DMD: variants seen among roughly 807,000 people sequenced by gnomAD.
DMD encodes dystrophin, also known as mutant dystrophin.
DMD carries 63 observed loss-of-function variants against 330.1 expected under a neutral mutation model. The ratio of observed to expected loss-of-function variants is 0.19; its 90% CI spans 0.16 to 0.24. The LOEUF is 0.24. DMD is among the 10% of genes least tolerant of loss of function. DMD has a pLI of 1.00. For missense variants in DMD, 3,344 were observed against 2,684.1 expected, an observed-to-expected ratio of 1.25 and a Z score of -5.43; for synonymous variants, 1,223 against 959.8, an observed-to-expected ratio of 1.27 and a Z score of -5.07.
At chrX:31,247,296 C>T (rs1469910745) in intron 63 of DMD, among the ~76,000 whole-genome samples, 2 of 111,114 alleles carry the variant, frequency 1.8e-5, no homozygotes, top group East Asian at 5.6e-4. Context: ...TGGATCTGGG[C>T]AAAGTAAATG....
At chrX:31,844,947 A>G (rs1311337270) in intron 48 of DMD, among the ~76,000 whole-genome samples, 1 of 109,975 alleles carries the variant, frequency 9.1e-6, no homozygotes, top group Non-Finnish European at 1.9e-5. Context: ...CAGGAAACCA[A>G]AAAGTTCATG....
At chrX:32,532,124 A>G (rs228350) in intron 17 of DMD, among the ~76,000 whole-genome samples, 17,097 of 110,791 alleles carry the variant, frequency 0.15, 1,286 homozygotes, top group East Asian at 0.39. Flanking sequence ...GTGAGCTCCA[A>G]AAGTCTTGCA....
At chrX:31,924,198 G>A (rs1344169415) in intron 47 of DMD, among the ~76,000 whole-genome samples, 1 of 111,826 alleles carries the variant, frequency 8.9e-6, no homozygotes, top group Non-Finnish European at 1.9e-5. Flanking sequence ...GGGCAGGACT[G>A]AATGGTAACT....
intron 43 of DMD, among the ~76,000 whole-genome samples, chrX:32,280,288 T>C (rs1232067773): frequency 2.8e-5 from 3 of 108,070 alleles, no homozygotes; most frequent in African/African-American, 1.0e-4. Context: ...CTGTCTACTG[T>C]ATCTTCTTCT....
chrX:31,725,997 G>C (rs775706590), intron 52 of DMD, among the ~76,000 whole-genome samples: 1 of 112,024 alleles, frequency 8.9e-6, no homozygotes, highest in East Asian at 2.8e-4. Flanking sequence ...ATCTGCTTTT[G>C]GTCCCCTGAC....
chrX:31,727,594 G>T (rs1315517001), intron 52 of DMD, among the ~76,000 whole-genome samples: 1 of 111,996 alleles, frequency 8.9e-6, no homozygotes, highest in African/African-American at 3.2e-5. Flanking sequence ...GGACACAAAA[G>T]ATGGAAGGAG....
chrX:32,355,014 C>T (rs1048245106), intron 37 of DMD, among the ~76,000 whole-genome samples: 3 of 111,361 alleles, frequency 2.7e-5, no homozygotes, highest in African/African-American at 9.8e-5. Context: ...AAACATAACA[C>T]TTTAAGCAAT....
At chrX:32,239,814 T>C (rs928479486) in intron 43 of DMD, among the ~76,000 whole-genome samples, 1 of 111,971 alleles carries the variant, frequency 8.9e-6, no homozygotes, top group African/African-American at 3.2e-5. Flanking sequence ...TACTATTAAT[T>C]TAAATAACCC....
At chrX:31,379,431 A>G (rs1181404304) in intron 60 of DMD, among the ~76,000 whole-genome samples, 1 of 111,360 alleles carries the variant, frequency 9.0e-6, no homozygotes, top group Non-Finnish European at 1.9e-5. Context: ...AGCCCAGTTC[A>G]TGGCTCGTTT....
intron 60 of DMD, among the ~76,000 whole-genome samples, chrX:31,398,632 G>A (rs1294123962): frequency 9.0e-6 from 1 of 111,715 alleles, no homozygotes; most frequent in Non-Finnish European, 1.9e-5. Flanking sequence ...GTGAATTGGA[G>A]CCACATCATA....
intron 1 of DMD, among the ~76,000 whole-genome samples, chrX:33,183,408 C>T (rs1039447980): frequency 1.9e-4 from 21 of 111,789 alleles, no homozygotes; most frequent in Non-Finnish European, 3.6e-4. Flanking sequence ...CTCAAGCCCA[C>T]CAACTCTCAG....
At chrX:32,324,052 A>G (rs748909162) in intron 41 of DMD, among the ~76,000 whole-genome samples, 2 of 111,033 alleles carry the variant, frequency 1.8e-5, no homozygotes, top group Non-Finnish European at 3.8e-5. Flanking sequence ...ATACAGTTGC[A>G]TAGAAAGAGT....
At chrX:32,103,652 A>G (rs1349885201) in intron 44 of DMD, among the ~76,000 whole-genome samples, 1 of 112,414 alleles carries the variant, frequency 8.9e-6, no homozygotes, top group South Asian at 3.7e-4. Context: ...GAACAAATGC[A>G]AGTTTTCAAA....
intron 60 of DMD, among the ~76,000 whole-genome samples, chrX:31,425,539 T>C (rs1255091257): frequency 9.0e-6 from 1 of 111,693 alleles, no homozygotes; most frequent in Non-Finnish European, 1.9e-5. Flanking sequence ...AATTAAAATC[T>C]GGTCTAAGCC....
At position 32,614,284 on chromosome X, in the gene DMD, C is replaced by T. The variant is rs769570912; in HGVS notation, c.1482+19G>A. On this transcript the variant is annotated intron_variant, in intron 12 of 78. Transcript: ENST00000357033. ...AGTTTGCTTTCTAGTAGAAAGCACGCAACATAAGATACACCTACCTTATGT... is the reference window on the plus strand; with the variant it reads ...AGTTTGCTTTCTAGTAGAAAGCACGTAACATAAGATACACCTACCTTATGT... The T allele has an allele frequency of 2.5e-6, 3 of 1,204,742 alleles. No individual in the cohort carries two copies. Among genetic ancestry groups the T allele is most frequent in the African/African-American group, 3.5e-5 (2 of 56,618 alleles).
intron 44 of DMD, among the ~76,000 whole-genome samples, chrX:32,052,499 C>T (rs774104845): frequency 9.0e-6 from 1 of 110,891 alleles, no homozygotes; most frequent in Non-Finnish European, 1.9e-5. Context: ...ATTTCCTAGC[C>T]CACTTTACCG....
chrX:31,341,516 T>C (rs2057725547), intron 61 of DMD, among the ~76,000 whole-genome samples: 1 of 112,148 alleles, frequency 8.9e-6, no homozygotes, highest in African/African-American at 3.2e-5. Context: ...AGGCAGTTTT[T>C]AGCCCAGAGG....
At chrX:33,086,759 A>G (rs1430016855) in intron 1 of DMD, among the ~76,000 whole-genome samples, 1 of 109,012 alleles carries the variant, frequency 9.2e-6, no homozygotes, top group Non-Finnish European at 1.9e-5. Flanking sequence ...ATATATACAC[A>G]CAAATATCTG....
intron 28 of DMD, among the ~76,000 whole-genome samples, chrX:32,440,945 G>A (rs1461461749): frequency 9.0e-6 from 1 of 111,058 alleles, no homozygotes; most frequent in Non-Finnish European, 1.9e-5. Flanking sequence ...AGAACTTAGT[G>A]ATATAATAAA....
Sources: gnomAD v4.1 joint callset for allele counts (sites outside exome capture counted in the v4.1 genomes callset) on GRCh38, gnomAD v4.1.1 for gene constraint, MANE v1.5 for transcripts, NCBI Gene and HGNC (gene_info 2026-07-23, HGNC 2026-07-21) for gene names.